NOVA2: variants seen among roughly 807,000 people sequenced by gnomAD.
NOVA2 encodes the protein NOVA alternative splicing regulator 2, also known as RNA-binding protein Nova-2.
Under a neutral mutation model 22.5 loss-of-function variants are expected in NOVA2, and 9 were observed. The ratio of observed to expected loss-of-function variants is 0.40; its 90% CI spans 0.24 to 0.70. The LOEUF is 0.70. NOVA2 is among the 30% of genes least tolerant of loss of function. The pLI is 0.38. For synonymous variants in NOVA2, 318 were observed against 335.2 expected (o/e 0.95, Z 0.56); for missense variants, 383 against 682.8 (o/e 0.56, Z 4.89).
At chr19:45,962,791 C>A (rs1003569258) in intron 1 of NOVA2, among the ~76,000 whole-genome samples, 1 of 151,980 alleles carries the variant, frequency 6.6e-6, no homozygotes, top group South Asian at 2.1e-4. Context: ...GGACTACAGG[C>A]GCCCGCCACC....
rs1967637493 is a variant in NOVA2 at position 45,935,089 on chromosome 19, C to T, written c.*4774G>A. 8.3e-6 allele frequency: 1 copy of T among 120,268 alleles called. No individual in the cohort carries two copies. Among genetic ancestry groups the T allele is most frequent in the Non-Finnish European group, 1.6e-5 (1 of 61,836 alleles). The allele number at this position is 120,268 out of a possible 1,614,324, so 7.5% of individuals were successfully genotyped here. A position where few individuals can be genotyped will look rare whatever the true frequency, so the allele number is the denominator to read the frequency against. ...CCGGTGGCCGGTGGTGATGGAGTCA[C>T]TTAGAAGATGAGAGGTTGGTGGTTT... On this transcript the variant is annotated 3_prime_UTR_variant, in exon 4 of 4. Transcript: ENST00000263257.
At chr19:45,966,419 T>G (rs570296220) in intron 1 of NOVA2, among the ~76,000 whole-genome samples, 32 of 152,254 alleles carry the variant, frequency 2.1e-4, no homozygotes, top group Non-Finnish European at 4.6e-4. Flanking sequence ...TTAAATGCAT[T>G]TATTTACTTA....
chr19:45,950,888 T>A (rs976491785), intron 3 of NOVA2, among the ~76,000 whole-genome samples: 1 of 152,154 alleles, frequency 6.6e-6, no homozygotes, highest in Admixed American at 6.5e-5. Flanking sequence ...TTTTCTAGAT[T>A]GGGAAATGGA....
At chr19:45,959,975 C>T (rs1412743924) in intron 2 of NOVA2, among the ~76,000 whole-genome samples, 1 of 151,960 alleles carries the variant, frequency 6.6e-6, no homozygotes, top group African/African-American at 2.4e-5. Flanking sequence ...GAGGCCTTCC[C>T]TGGAGTCCTA....
chr19:45,944,367 A>G (rs192282181), intron 3 of NOVA2, among the ~76,000 whole-genome samples: 3 of 152,172 alleles, frequency 2.0e-5, no homozygotes, highest in Admixed American at 2.0e-4. Context: ...ACTTGAGCCC[A>G]GGAGGTTGAG....
intron 2 of NOVA2, among the ~76,000 whole-genome samples, chr19:45,958,353 C>CTGTGTGTG (rs572028267): frequency 6.9e-6 from 1 of 145,968 alleles, no homozygotes; most frequent in African/African-American, 2.5e-5. Context: ...CACCCAAGTG[C>CTGTGTGTG]TGTGTGTGTG....
intron 3 of NOVA2, among the ~76,000 whole-genome samples, chr19:45,941,673 G>A (rs977183859): frequency 6.6e-6 from 1 of 152,164 alleles, no homozygotes; most frequent in Non-Finnish European, 1.5e-5. Flanking sequence ...GAGGTGGGAG[G>A]ATAACTTGAG....
Position 45,940,512 on chromosome 19 carries a change from A to T in NOVA2, c.830T>A (p.Leu277Gln). 1 of 1,518,234 alleles carries T rather than the reference A, an allele frequency of 6.6e-7. No homozygotes were observed. The highest frequency in any genetic ancestry group is 8.8e-7 in the Non-Finnish European group (1 of 1,134,162). The allele number at this position is 1,518,234 out of a possible 1,614,324, so 94.0% of individuals were successfully genotyped here. ...CGTGTTAAGCGCCGTGCTGATGGCC[A>T]GCAGGTCGGTGCCTGAGAAGGCGGG... ...ALPAFSGTDL[L>Q]AISTALNTLA... The change falls in exon 4 of 4, where the codon CTG (leucine) becomes CAG (glutamine). Residue 277 changes from leucine (L) to glutamine (Q), a missense_variant. Leu to Gln is a moderately radical substitution (Grantham distance 113, BLOSUM62 -2). Transcript: ENST00000263257.
At chr19:45,965,798 T>C (rs2146426731) in intron 1 of NOVA2, among the ~76,000 whole-genome samples, 1 of 152,358 alleles carries the variant, frequency 6.6e-6, no homozygotes, top group South Asian at 2.1e-4. Context: ...CTCACCTCTT[T>C]GGGCCTCAGC....
chr19:45,969,180 A>G (rs144623764), intron 1 of NOVA2, among the ~76,000 whole-genome samples: 394 of 151,690 alleles, frequency 2.6e-3, no homozygotes, highest in Non-Finnish European at 4.2e-3. Flanking sequence ...ACAAAACAAA[A>G]CAAAATAAAC....
Position 45,936,561 on chromosome 19 carries a change from A to AC in NOVA2, c.*3301dup, listed in dbSNP as rs1193182152. The stretch of plus-strand genomic sequence containing the variant: ...CGGCTCAGTTCCAAGGAAGTTTGGC[A>AC]CTTTTTTTTTTTTTTAAATGGGGAA... On this transcript the variant is annotated 3_prime_UTR_variant, in exon 4 of 4. Transcript: ENST00000263257. The AC allele has an allele frequency of 6.8e-6, 1 of 147,450 alleles. No homozygotes were observed. The highest frequency in any genetic ancestry group is 2.5e-5 in the African/African-American group (1 of 39,424). The allele number at this position is 147,450 out of a possible 1,614,324, so 9.1% of individuals were successfully genotyped here. A position where few individuals can be genotyped will look rare whatever the true frequency, so the allele number is the denominator to read the frequency against.
In NOVA2 at chr19:45,940,308, G is replaced by A. The variant is rs1967727972; in HGVS notation, c.1034C>T (p.Pro345Leu). The change falls in exon 4 of 4, where the codon CCG (proline) becomes CTG (leucine). Residue 345 changes from proline to leucine, a missense_variant. Physicochemically the swap from Pro to Leu is moderately conservative, Grantham distance 98. Coordinates refer to ENST00000263257, the MANE Select transcript of NOVA2 (RefSeq NM_002516.4). ...CAGGGCTCCGGGAGGCGGGGGCGGC[G>A]GCGGGGCGGCCCCTCCGGCTGGCCC... Reference protein sequence around the residue: ...GAGPAGGAAPPPPPPPGALGS... With the variant: ...GAGPAGGAAPLPPPPPGALGS... The A allele has an allele frequency of 1.8e-6, 2 of 1,142,162 alleles. No homozygotes were observed. The highest frequency in any genetic ancestry group is 1.7e-5 in the African/African-American group (1 of 60,348). The allele number at this position is 1,142,162 out of a possible 1,614,324, so 70.8% of individuals were successfully genotyped here.
rs33945455 is a variant in NOVA2 at position 45,958,110 on chromosome 19, C to CAAAAA, written c.229+2895_229+2899dup. 4.5e-3 allele frequency among the ~76,000 whole-genome samples: 396 copies of CAAAAA among 87,602 alleles called. 4 individuals carry two copies. Among genetic ancestry groups the CAAAAA allele is most frequent in the African/African-American group, 0.018 (378 of 20,554 alleles). The allele number at this position is 87,602 out of a possible 152,430, so 57.5% of individuals were successfully genotyped here. A position where few individuals can be genotyped will look rare whatever the true frequency, so the allele number is the denominator to read the frequency against. On this transcript the variant is annotated intron_variant, in intron 2 of 3. Transcript: ENST00000263257. ...CTGGTGACAGAGCAAGACTCCGTCT[C>CAAAAA]AAAAAAAAAAAAAAAAAAAAATAGA... is the stretch of plus-strand genomic sequence containing the variant.
chr19:45,945,838 A>T (rs565008655), intron 3 of NOVA2, among the ~76,000 whole-genome samples: 1,838 of 144,640 alleles, frequency 0.013, 14 homozygotes, highest in African/African-American at 0.017. Flanking sequence ...TATTATTATT[A>T]TTTTTTTTTT....
chr19:45,971,893 C>A (rs1194562179), intron 1 of NOVA2, among the ~76,000 whole-genome samples: 2 of 152,010 alleles, frequency 1.3e-5, no homozygotes, highest in African/African-American at 4.8e-5. Context: ...GAGTTCCCAG[C>A]TCGGCTTTTC....
At chr19:45,971,082 G>A (rs1280786889) in intron 1 of NOVA2, among the ~76,000 whole-genome samples, 1 of 150,298 alleles carries the variant, frequency 6.7e-6, no homozygotes, top group East Asian at 2.0e-4. Context: ...TTGGGCAAGC[G>A]GTTTCATTTT....
intron 1 of NOVA2, 76 bp from the exon 2 acceptor site, chr19:45,961,229 C>T: frequency 3.2e-6 from 3 of 949,758 alleles, no homozygotes; most frequent in East Asian, 2.5e-5. Context: ...GCAGAGGAAA[C>T]CCCAGGGGTC....
chr19:45,951,638 G>GA (rs55888140), intron 3 of NOVA2, among the ~76,000 whole-genome samples: 65,037 of 112,472 alleles, frequency 0.58, 15,943 homozygotes, highest in Non-Finnish European at 0.62. Context: ...AAAAAGAAAA[G>GA]AAAAAAAAAT....
chr19:45,948,582 G>A (rs1247417031), intron 3 of NOVA2, among the ~76,000 whole-genome samples: 13 of 148,320 alleles, frequency 8.8e-5, no homozygotes, highest in African/African-American at 3.2e-4. Flanking sequence ...CCTGGGGGAC[G>A]GAGGGAGACT....
Sources: gnomAD v4.1 joint callset for allele counts (sites outside exome capture counted in the v4.1 genomes callset) on GRCh38, gnomAD v4.1.1 for gene constraint, MANE v1.5 for transcripts, NCBI Gene and HGNC (gene_info 2026-07-23, HGNC 2026-07-21) for gene names.